Variants in SSBP2 observed in about 807,000 individuals in gnomAD.
SSBP2 encodes the protein single stranded DNA binding protein 2.
Under a neutral mutation model 61.8 loss-of-function variants are expected in SSBP2, and 17 were observed. That is an observed-to-expected ratio of 0.28 (90% CI 0.19 to 0.41). The LOEUF (loss-of-function observed/expected upper bound fraction) is 0.41, where lower values mean the gene tolerates loss of function less well. Among genes scored for constraint, SSBP2 ranks in the 10% least tolerant of loss-of-function variants. The probability of loss-of-function intolerance (pLI) is 1.00; values close to 1 mark genes in which losing one functional copy is unlikely to be tolerated. For synonymous variants in SSBP2, 139 were observed against 141.3 expected (o/e 0.98, Z 0.12); for missense variants, 310 against 458.7 (o/e 0.68, Z 2.96).
At chr5:81,747,509 A>G (rs1448791399) in intron 1 of SSBP2, among the ~76,000 whole-genome samples, 1 of 152,144 alleles carries the variant, frequency 6.6e-6, no homozygotes, top group African/African-American at 2.4e-5. Context: ...CAAATAAATA[A>G]TAGTTATTTT....
At chr5:81,683,265 G>A (rs1416317571) in intron 1 of SSBP2, among the ~76,000 whole-genome samples, 2 of 152,114 alleles carry the variant, frequency 1.3e-5, no homozygotes, top group African/African-American at 2.4e-5. Context: ...CTAAAGAAGT[G>A]TGGTACTGAA....
chr5:81,608,005 G>A (rs940234317), intron 4 of SSBP2, among the ~76,000 whole-genome samples: 1 of 152,074 alleles, frequency 6.6e-6, no homozygotes, highest in African/African-American at 2.4e-5. Flanking sequence ...ATTTTCCCTT[G>A]TTTTCATGCT....
At chr5:81,713,731 G>T (rs1754965155) in intron 1 of SSBP2, among the ~76,000 whole-genome samples, 1 of 151,996 alleles carries the variant, frequency 6.6e-6, no homozygotes, top group African/African-American at 2.4e-5. Context: ...ACACATTTAA[G>T]GAGAGCCTGA....
At chr5:81,554,806 T>C (rs928782128) in intron 4 of SSBP2, among the ~76,000 whole-genome samples, 16 of 152,152 alleles carry the variant, frequency 1.1e-4, no homozygotes, top group African/African-American at 3.9e-4. Flanking sequence ...ATAGAGATAA[T>C]AAATACCATT....
intron 4 of SSBP2, among the ~76,000 whole-genome samples, chr5:81,525,713 G>C (rs1323030088): frequency 2.0e-5 from 3 of 151,844 alleles, no homozygotes; most frequent in African/African-American, 7.3e-5. Context: ...CATCCTAATG[G>C]TGACTACTTG....
At chr5:81,477,731 T>C (rs1172770000) in intron 6 of SSBP2, among the ~76,000 whole-genome samples, 2 of 152,076 alleles carry the variant, frequency 1.3e-5, no homozygotes, top group African/African-American at 4.8e-5. Context: ...ATGACTTGTT[T>C]TCTTCTCTGT....
At chr5:81,609,910 G>A (rs1745276158) in intron 4 of SSBP2, among the ~76,000 whole-genome samples, 1 of 152,060 alleles carries the variant, frequency 6.6e-6, no homozygotes, top group East Asian at 1.9e-4. Flanking sequence ...AGCCACACTG[G>A]GAGAGAAACC....
chr5:81,533,389 G>T (rs1259122995), intron 4 of SSBP2, among the ~76,000 whole-genome samples: 1 of 151,938 alleles, frequency 6.6e-6, no homozygotes, highest in Non-Finnish European at 1.5e-5. Context: ...TACTGGGAGA[G>T]TGAGTATTAC....
chr5:81,583,625 G>A (rs1367165702), intron 4 of SSBP2, among the ~76,000 whole-genome samples: 12 of 122,714 alleles, frequency 9.8e-5, no homozygotes, highest in Admixed American at 1.9e-4. Context: ...GCGAGACACC[G>A]TCTCAAAAAA....
rs1228709645 is a variant in SSBP2 at position 81,486,911 on chromosome 5, C to CT, written c.432+2338dup. ...TCAAAGTTCTCCCCTGGGGGTGAAT[C>CT]TGAGTGCTGGCACTTTCTGCTGTGC... On this transcript the variant is annotated intron_variant, in intron 6 of 16. Coordinates refer to ENST00000320672, the MANE Select transcript of SSBP2 (RefSeq NM_012446.5). Among the ~76,000 whole-genome samples, 3 of 152,328 alleles carry CT rather than the reference C, an allele frequency of 2.0e-5. No individual in the cohort carries two copies. In the South Asian group the frequency reaches 6.2e-4, roughly 32 times the overall value.
At chr5:81,547,285 A>G (rs1026146139) in intron 4 of SSBP2, among the ~76,000 whole-genome samples, 1 of 152,128 alleles carries the variant, frequency 6.6e-6, no homozygotes, top group Non-Finnish European at 1.5e-5. Context: ...TTGAAAACCT[A>G]TCCCCAAACA....
chr5:81,710,988 T>C lies in SSBP2; in HGVS notation c.62+39993A>G, dbSNP rs925584432. On this transcript the variant is annotated intron_variant, in intron 1 of 16. Transcript: ENST00000320672. The stretch of plus-strand genomic sequence containing the variant: ...AATCCTGAAGAGCCAGGCAAGGAAC[T>C]GTATGTTTGTGTCTAGATTGGAATA... Among the ~76,000 whole-genome samples, 3 of 152,224 alleles carry C rather than the reference T, an allele frequency of 2.0e-5. No individual in the cohort carries two copies. In the South Asian group the frequency reaches 6.2e-4, roughly 32 times the overall value.
chr5:81,705,503 C>T (rs140139456), intron 1 of SSBP2, among the ~76,000 whole-genome samples: 16 of 152,120 alleles, frequency 1.1e-4, no homozygotes, highest in African/African-American at 3.6e-4. Flanking sequence ...TTAACTGATC[C>T]TTTTAGGTAC....
Position 81,732,791 on chromosome 5 carries a change from C to G in SSBP2, c.62+18190G>C, listed in dbSNP as rs551363373. 1.1e-3 allele frequency among the ~76,000 whole-genome samples: 166 copies of G among 152,268 alleles called. 1 individual carries two copies. The highest frequency in any genetic ancestry group is 3.8e-3 in the African/African-American group (160 of 41,570). ...TAACAAAAGCAAAGTATCTTATACC[C>G]TTTCTAGTAAACATACTTTTTTAAA... On this transcript the variant is annotated intron_variant, in intron 1 of 16. Transcript: ENST00000320672.
At chr5:81,557,343 G>T (rs1169273326) in intron 4 of SSBP2, among the ~76,000 whole-genome samples, 5 of 152,054 alleles carry the variant, frequency 3.3e-5, no homozygotes, top group African/African-American at 1.2e-4. Context: ...TTTTGTGCTT[G>T]AGTTCTTTGA....
intron 8 of SSBP2, among the ~76,000 whole-genome samples, chr5:81,472,260 C>G (rs1435816558): frequency 6.6e-6 from 1 of 152,108 alleles, no homozygotes; most frequent in Non-Finnish European, 1.5e-5. Context: ...CCCCAAGAAG[C>G]TTTCCCAAGA....
chr5:81,447,015 T>G (rs370151486), intron 11 of SSBP2, 93 bp from the exon 12 acceptor site: 12 of 812,326 alleles, frequency 1.5e-5, no homozygotes, highest in South Asian at 9.1e-5. Flanking sequence ...AATTTGAAAA[T>G]AAGAGCAGAA....
chr5:81,671,720 T>C (rs1210320473), intron 1 of SSBP2, among the ~76,000 whole-genome samples: 2 of 152,062 alleles, frequency 1.3e-5, no homozygotes, highest in African/African-American at 4.8e-5. Flanking sequence ...CTTAAGTAAT[T>C]TTCAGATTTG....
At position 81,592,240 on chromosome 5, in the gene SSBP2, G is replaced by C. The variant is rs930453247; in HGVS notation, c.282+23233C>G. ...GCCCACAGAGTCTCGCTCATTGCTAGCACAGCAGTCCAAGATCAAACTGCA... is the reference window on the plus strand; with the variant it reads ...GCCCACAGAGTCTCGCTCATTGCTACCACAGCAGTCCAAGATCAAACTGCA... On this transcript the variant is annotated intron_variant, in intron 4 of 16. Coordinates refer to ENST00000320672, the MANE Select transcript of SSBP2 (RefSeq NM_012446.5). 3.3e-5 allele frequency among the ~76,000 whole-genome samples: 5 copies of C among 152,328 alleles called. No homozygotes were observed. In the East Asian group the frequency reaches 5.8e-4, roughly 18 times the overall value.
Sources: gnomAD v4.1 joint callset for allele counts (sites outside exome capture counted in the v4.1 genomes callset) on GRCh38, gnomAD v4.1.1 for gene constraint, MANE v1.5 for transcripts, NCBI Gene and HGNC (gene_info 2026-07-23, HGNC 2026-07-21) for gene names.